The following COX10 variants were observed in gnomAD, a reference collection of about 807,000 sequenced individuals.
The protein encoded by COX10 is protoheme IX farnesyltransferase, mitochondrial.
Under a neutral mutation model 37.3 loss-of-function variants are expected in COX10, and 27 were observed. The observed-to-expected ratio is 0.72, with a 90% CI of 0.53 to 1.00. The LOEUF is 1.00. Ranked by LOEUF, COX10 falls within the 50% of genes least tolerant of loss-of-function variation. The probability of loss-of-function intolerance (pLI) is 0.00; values close to 1 mark genes in which losing one functional copy is unlikely to be tolerated. For missense variants in COX10, 475 were observed against 563.2 expected (o/e 0.84, Z 1.59); for synonymous variants, 222 against 229.1 (o/e 0.97, Z 0.28).
intron 4 of COX10, among the ~76,000 whole-genome samples, chr17:14,149,366 C>A (rs1197779550): frequency 6.6e-6 from 1 of 152,132 alleles, no homozygotes; most frequent in Non-Finnish European, 1.5e-5. Context: ...AAGTGGTTAG[C>A]TTTACAGTGT....
At chr17:14,202,656 C>T (rs1309445989) in intron 6 of COX10, among the ~76,000 whole-genome samples, 1 of 152,032 alleles carries the variant, frequency 6.6e-6, no homozygotes, top group Non-Finnish European at 1.5e-5. Flanking sequence ...AAAGTAAAAC[C>T]GTTCGTGTCT....
At chr17:14,165,198 G>A (rs1461131404) in intron 5 of COX10, among the ~76,000 whole-genome samples, 1 of 152,144 alleles carries the variant, frequency 6.6e-6, no homozygotes, top group Non-Finnish European at 1.5e-5. Context: ...CAGGTATGCA[G>A]GCATACCTCA....
rs1906722961 is a variant in COX10, at chr17:14,206,960, A to G, written c.1079A>G (p.His360Arg). Residue 360 changes from histidine to arginine, a missense_variant, in exon 7 of 7, where the codon CAC becomes CGC. By Grantham distance (29) the His-to-Arg change is conservative (BLOSUM62 0). Around this residue, in one of 5 missense-constraint regions of COX10, gnomAD observed 160 missense variants for 180.6 expected, o/e 0.89. Coordinates refer to ENST00000261643, the MANE Select transcript of COX10 (RefSeq NM_001303.4). ...PGLCRRVALR[H>R]CLALLVLSAA... ...CTGTGCCGGCGCGTGGCGCTGCGCC[A>G]CTGCCTGGCCCTGCTCGTGCTGTCC... 1.9e-6 allele frequency: 3 copies of G among 1,613,990 alleles called. No individual in the cohort carries two copies. The highest frequency in any genetic ancestry group is 2.5e-6 in the Non-Finnish European group (3 of 1,179,898).
At chr17:14,191,949 G>A (rs1906213573) in intron 5 of COX10, 40 bp from the exon 6 acceptor site, 4 of 1,602,462 alleles carry the variant, frequency 2.5e-6, no homozygotes, top group Non-Finnish European at 3.4e-6. Context: ...ATTGAGTTGA[G>A]TTGGAGATGA....
At chr17:14,106,476 C>T (rs755876385) in intron 4 of COX10, among the ~76,000 whole-genome samples, 5 of 151,966 alleles carry the variant, frequency 3.3e-5, no homozygotes, top group Admixed American at 6.6e-5. Flanking sequence ...TTATTTATTT[C>T]GATAGTTTTC....
chr17:14,206,986 G>A lies in COX10; in HGVS notation c.1105G>A (p.Ala369Thr), dbSNP rs374690271. The change falls in exon 7 of 7, where the codon GCA (alanine) becomes ACA (threonine). Residue 369 changes from alanine (A) to threonine (T), a missense_variant. Ala to Thr is a moderately conservative substitution (Grantham distance 58). Coordinates refer to ENST00000261643, the MANE Select transcript of COX10 (RefSeq NM_001303.4). ...RHCLALLVLS[A>T]AAPVLDITTW... Reference sequence around the variant, plus strand: ...CTGCCTGGCCCTGCTCGTGCTGTCCGCAGCAGCCCCTGTGCTGGACATCAC... The same window carrying A: ...CTGCCTGGCCCTGCTCGTGCTGTCCACAGCAGCCCCTGTGCTGGACATCAC... 2.0e-5 allele frequency: 33 copies of A among 1,613,924 alleles called. No individual in the cohort carries two copies. The highest frequency in any genetic ancestry group is 5.5e-5 in the South Asian group (5 of 91,092).
At chr17:14,145,688 A>G (rs1247181354) in intron 4 of COX10, among the ~76,000 whole-genome samples, 1 of 152,174 alleles carries the variant, frequency 6.6e-6, no homozygotes, top group East Asian at 1.9e-4. Flanking sequence ...GTTTTATGCT[A>G]GAAAGTAACA....
At chr17:14,082,471 G>A (rs1473926903) in intron 3 of COX10, among the ~76,000 whole-genome samples, 1 of 152,110 alleles carries the variant, frequency 6.6e-6, no homozygotes, top group African/African-American at 2.4e-5. Context: ...ATAATTTTAA[G>A]TTTATTATAA....
chr17:14,139,568 T>C (rs1485384755), intron 4 of COX10, among the ~76,000 whole-genome samples: 1 of 152,160 alleles, frequency 6.6e-6, no homozygotes, highest in African/African-American at 2.4e-5. Flanking sequence ...ACCTTTCCTA[T>C]GCCTAAATAA....
intron 4 of COX10, among the ~76,000 whole-genome samples, chr17:14,138,617 C>G (rs1251857021): frequency 6.6e-6 from 1 of 152,104 alleles, no homozygotes; most frequent in Non-Finnish European, 1.5e-5. Flanking sequence ...GTCCTGTACC[C>G]CAGTGCCTGG....
chr17:14,203,747 T>C (rs1327304740), intron 6 of COX10, among the ~76,000 whole-genome samples: 1 of 152,240 alleles, frequency 6.6e-6, no homozygotes, highest in East Asian at 1.9e-4. Context: ...TAAAGTGCTC[T>C]GTCTCCTGGT....
intron 4 of COX10, among the ~76,000 whole-genome samples, chr17:14,141,711 GT>G (rs1456512011): frequency 6.6e-6 from 1 of 151,758 alleles, no homozygotes; most frequent in Non-Finnish European, 1.5e-5. Context: ...ATCTAACATT[GT>G]TTTATATAAT....
chr17:14,086,184 G>A (rs559292332), intron 3 of COX10, among the ~76,000 whole-genome samples: 1 of 151,952 alleles, frequency 6.6e-6, no homozygotes, highest in African/African-American at 2.4e-5. Context: ...GTAACCAAAG[G>A]TATTTTCTTA....
At chr17:14,168,109 ATGCTCCCATTCCAAG>A (rs1164082411) in intron 5 of COX10, among the ~76,000 whole-genome samples, 1 of 152,206 alleles carries the variant, frequency 6.6e-6, no homozygotes, top group East Asian at 1.9e-4. Flanking sequence ...CATTGGCTAA[ATGCTCCCATTCCAAG>A]TGGGAGAAAT....
intron 2 of COX10, among the ~76,000 whole-genome samples, chr17:14,076,522 C>G (rs1915155513): frequency 6.6e-6 from 1 of 152,012 alleles, no homozygotes; most frequent in South Asian, 2.1e-4. Context: ...AAATTGAAAA[C>G]CATTACTGAG....
chr17:14,124,557 C>A (rs980829338), intron 4 of COX10, among the ~76,000 whole-genome samples: 4 of 152,090 alleles, frequency 2.6e-5, no homozygotes, highest in Non-Finnish European at 5.9e-5. Flanking sequence ...GTTCATGTTG[C>A]ACATGTAATT....
chr17:14,153,146 C>A (rs1022497196), intron 4 of COX10, among the ~76,000 whole-genome samples: 1 of 152,158 alleles, frequency 6.6e-6, no homozygotes, highest in African/African-American at 2.4e-5. Context: ...CATGGTTCAC[C>A]CTTGTCAGCT....
At chr17:14,119,808 G>A (rs1285823859) in intron 4 of COX10, among the ~76,000 whole-genome samples, 2 of 149,942 alleles carry the variant, frequency 1.3e-5, no homozygotes, top group African/African-American at 2.5e-5. Flanking sequence ...CTCAGACCAT[G>A]AATAGTCTTA....
intron 4 of COX10, among the ~76,000 whole-genome samples, chr17:14,140,952 AC>A (rs1238901663): frequency 2.6e-5 from 4 of 152,180 alleles, no homozygotes; most frequent in Non-Finnish European, 4.4e-5. Flanking sequence ...AATTATTAAA[AC>A]TATCATTTTG....
Sources: allele counts gnomAD v4.1 joint callset (sites outside exome capture counted in the v4.1 genomes callset), GRCh38; gene constraint gnomAD v4.1.1; regional missense constraint gnomAD v4.1.1; transcripts MANE v1.5; gene names NCBI Gene and HGNC (gene_info 2026-07-23, HGNC 2026-07-21).